Variants in ATG5 observed in about 807,000 individuals in gnomAD.
ATG5 encodes autophagy protein 5.
Under a neutral mutation model 36.5 loss-of-function variants are expected in ATG5, and 14 were observed. The observed-to-expected ratio is 0.38, with a 90% confidence interval of 0.25 to 0.60. The LOEUF is 0.60. Ranked by LOEUF, ATG5 falls within the 20% of genes least tolerant of loss-of-function variation. ATG5 has a pLI of 0.60. For synonymous variants in ATG5, 95 were observed against 101.5 expected, an observed-to-expected ratio of 0.94 and a Z score of 0.38; for missense variants, 195 against 326.7, an observed-to-expected ratio of 0.60 and a Z score of 3.11.
chr6:106,196,640 T>C (rs1776204146), intron 7 of ATG5, among the ~76,000 whole-genome samples: 1 of 151,976 alleles, frequency 6.6e-6, no homozygotes, highest in African/African-American at 2.4e-5. Flanking sequence ...ACAAGATTGC[T>C]TGAACCTGGG....
At chr6:106,300,967 G>C (rs1770184343) in intron 3 of ATG5, among the ~76,000 whole-genome samples, 1 of 151,998 alleles carries the variant, frequency 6.6e-6, no homozygotes, top group African/African-American at 2.4e-5. Flanking sequence ...TAAATTTCGT[G>C]CTTGAAGGTC....
At position 106,201,968 on chromosome 6, in the gene ATG5, T is replaced by C; in HGVS notation, c.691+4A>G. On this transcript the variant is annotated splice_donor_region_variant and intron_variant, in intron 7 of 7. Transcript: ENST00000369076. ...AAATGTTTTAATGTTGCTGATTGTA[T>C]TACCTTCAGGATCAATAGCAGAAGG... 1.1e-5 allele frequency: 18 copies of C among 1,594,254 alleles called. No homozygotes were observed. Among genetic ancestry groups the C allele is most frequent in the Non-Finnish European group, 1.5e-5 (18 of 1,164,462 alleles).
intron 5 of ATG5, among the ~76,000 whole-genome samples, chr6:106,276,786 T>A (rs552371830): frequency 6.6e-6 from 1 of 152,312 alleles, no homozygotes; most frequent in East Asian, 1.9e-4. Flanking sequence ...CTTTTTCTAT[T>A]TAGGCTATCT....
chr6:106,247,945 T>C lies in ATG5; in HGVS notation c.573+205A>G, dbSNP rs1258077435. ...AGCATGTGAATCTGCCAATATGAAA[T>C]CTACAAATAATGAGTACCAAATGCA... On this transcript the variant is annotated intron_variant, in intron 6 of 7. Coordinates refer to ENST00000369076, the MANE Select transcript of ATG5 (RefSeq NM_004849.4). 2.6e-5 allele frequency among the ~76,000 whole-genome samples: 4 copies of C among 152,194 alleles called. No homozygotes were observed. In the East Asian group the frequency reaches 7.7e-4, roughly 29 times the overall value.
intron 5 of ATG5, among the ~76,000 whole-genome samples, chr6:106,274,539 C>T (rs1365132241): frequency 6.6e-6 from 1 of 152,078 alleles, no homozygotes; most frequent in Non-Finnish European, 1.5e-5. Flanking sequence ...TCTATTATGT[C>T]ACAATATTGA....
At chr6:106,301,751 CAAAATCTGAA>C (rs1015792838) in intron 3 of ATG5, among the ~76,000 whole-genome samples, 2 of 151,866 alleles carry the variant, frequency 1.3e-5, no homozygotes, top group Non-Finnish European at 2.9e-5. Context: ...ACAAACATTC[CAAAATCTGAA>C]AAAATCTGAA....
Position 106,210,440 on chromosome 6 carries a change from T to G in ATG5, c.574-8351A>C, listed in dbSNP as rs573113109. The stretch of plus-strand genomic sequence containing the variant: ...ATCCTTTAAAAAGTATAAAAATGAA[T>G]GTAGTCTAAGTAAATACTAATAATG... On this transcript the variant is annotated intron_variant, in intron 6 of 7. Transcript: ENST00000369076. Among the ~76,000 whole-genome samples the G allele has an allele frequency of 2.0e-5, 3 of 152,290 alleles. 1 individual carries two copies. Among genetic ancestry groups the G allele is most frequent in the African/African-American group, 7.2e-5 (3 of 41,556 alleles).
intron 6 of ATG5, among the ~76,000 whole-genome samples, chr6:106,234,323 T>C (rs912284211): frequency 2.6e-5 from 4 of 152,182 alleles, no homozygotes; most frequent in Non-Finnish European, 5.9e-5. Flanking sequence ...CCCTACTAAC[T>C]GTTGGATGTG....
chr6:106,252,192 T>C (rs954396861), intron 5 of ATG5, among the ~76,000 whole-genome samples: 1 of 152,174 alleles, frequency 6.6e-6, no homozygotes, highest in Non-Finnish European at 1.5e-5. Context: ...TCACTTAGCT[T>C]ATTCACATTG....
At chr6:106,187,456 C>A (rs1432706805) in intron 7 of ATG5, among the ~76,000 whole-genome samples, 2 of 150,224 alleles carry the variant, frequency 1.3e-5, no homozygotes, top group African/African-American at 4.9e-5. Context: ...AGATTTTTGT[C>A]ATAGAAAAAC....
chr6:106,247,870 C>T (rs1417703907), intron 6 of ATG5, among the ~76,000 whole-genome samples: 2 of 152,098 alleles, frequency 1.3e-5, no homozygotes, highest in Non-Finnish European at 1.5e-5. Flanking sequence ...TCTGAATGAC[C>T]GTAAAAGTGC....
At chr6:106,189,598 G>T (rs1350979224) in intron 7 of ATG5, among the ~76,000 whole-genome samples, 1 of 150,460 alleles carries the variant, frequency 6.6e-6, no homozygotes, top group Non-Finnish European at 1.5e-5. Flanking sequence ...TACAGCATGG[G>T]TAACAAGTGA....
intron 5 of ATG5, among the ~76,000 whole-genome samples, chr6:106,262,606 G>C (rs950941847): frequency 6.6e-6 from 1 of 152,110 alleles, no homozygotes; most frequent in African/African-American, 2.4e-5. Flanking sequence ...AGCTCCCAGC[G>C]AGACAAACAC....
chr6:106,195,384 C>T (rs1323338587), intron 7 of ATG5, among the ~76,000 whole-genome samples: 1 of 152,168 alleles, frequency 6.6e-6, no homozygotes. Context: ...TGTCAAAATG[C>T]TTCATGTTTG....
intron 6 of ATG5, among the ~76,000 whole-genome samples, chr6:106,226,606 CTT>C (rs1214497209): frequency 6.6e-6 from 1 of 152,170 alleles, no homozygotes; most frequent in Non-Finnish European, 1.5e-5. Context: ...AGAAGAACCA[CTT>C]TTTGTCACTA....
At chr6:106,266,657 T>A (rs1318667571) in intron 5 of ATG5, among the ~76,000 whole-genome samples, 5 of 152,152 alleles carry the variant, frequency 3.3e-5, no homozygotes, top group Non-Finnish European at 7.4e-5. Context: ...TCCACCACGA[T>A]CATGTTGGCT....
In ATG5 at chr6:106,225,722, T is replaced by C. The variant is rs77265029; in HGVS notation, c.573+22428A>G. 2.6e-3 allele frequency among the ~76,000 whole-genome samples: 393 copies of C among 152,214 alleles called. 4 individuals carry two copies. Among genetic ancestry groups the C allele is most frequent in the African/African-American group, 9.4e-3 (391 of 41,536 alleles). ...AAACTGTCATTATTTGATCTGCCAG[T>C]TCCCTAGAAAAACCTCCCTCATAGG... On this transcript the variant is annotated intron_variant, in intron 6 of 7. Coordinates refer to ENST00000369076, the MANE Select transcript of ATG5 (RefSeq NM_004849.4).
intron 6 of ATG5, among the ~76,000 whole-genome samples, chr6:106,214,318 G>A (rs942923362): frequency 6.6e-6 from 1 of 152,154 alleles, no homozygotes; most frequent in African/African-American, 2.4e-5. Context: ...GGGGAACAGA[G>A]AGGGGAGTGG....
intron 6 of ATG5, among the ~76,000 whole-genome samples, chr6:106,242,652 T>TA (rs1304883602): frequency 1.3e-5 from 2 of 152,148 alleles, no homozygotes; most frequent in Admixed American, 6.5e-5. Flanking sequence ...TCAAGCAACT[T>TA]ACATTCACCT....
Sources: gnomAD v4.1 joint callset for allele counts (sites outside exome capture counted in the v4.1 genomes callset) on GRCh38, gnomAD v4.1.1 for gene constraint, MANE v1.5 for transcripts, NCBI Gene and HGNC (gene_info 2026-07-23, HGNC 2026-07-21) for gene names.